B3GALT1: variants seen among roughly 807,000 people sequenced by gnomAD.
B3GALT1 encodes the protein UDP-Gal:betaGlcNAc beta 1,3-galactosyltransferase, polypeptide 1.
In B3GALT1, 10 loss-of-function variants were observed where a neutral mutation model predicts 23.2. That is an observed-to-expected ratio of 0.43 (90% confidence interval 0.27 to 0.73). The LOEUF (loss-of-function observed/expected upper bound fraction) is 0.73. Ranked by LOEUF, B3GALT1 falls within the 30% of genes least tolerant of loss-of-function variation. B3GALT1 has a pLI of 0.21. For synonymous variants in B3GALT1, 156 were observed against 141.5 expected (o/e 1.10, Z -0.73); for missense variants, 299 against 405.4 (o/e 0.74, Z 2.25).
At chr2:167,435,755 T>C (rs1011878986) in intron 1 of B3GALT1, among the ~76,000 whole-genome samples, 1 of 152,152 alleles carries the variant, frequency 6.6e-6, no homozygotes, top group African/African-American at 2.4e-5. Flanking sequence ...TTCATTGTGA[T>C]TAAGGAATGT....
chr2:167,520,030 G>A (rs944227559), intron 2 of B3GALT1, among the ~76,000 whole-genome samples: 1 of 147,416 alleles, frequency 6.8e-6, no homozygotes, highest in Non-Finnish European at 1.5e-5. Context: ...AGGTGACAGA[G>A]TAAGACTCTA....
intron 4 of B3GALT1, among the ~76,000 whole-genome samples, chr2:167,844,983 C>G (rs1242863941): frequency 6.6e-6 from 1 of 152,132 alleles, no homozygotes. Context: ...TGCCCCACTT[C>G]CCTGACAACC....
At chr2:167,667,303 T>C (rs1199239120) in intron 3 of B3GALT1, among the ~76,000 whole-genome samples, 1 of 152,178 alleles carries the variant, frequency 6.6e-6, no homozygotes, top group African/African-American at 2.4e-5. Context: ...GCTCGTAGAG[T>C]TTCTGCTGAG....
At chr2:167,666,536 T>C (rs1449811246) in intron 3 of B3GALT1, among the ~76,000 whole-genome samples, 3 of 151,540 alleles carry the variant, frequency 2.0e-5, no homozygotes, top group African/African-American at 7.3e-5. Flanking sequence ...ATCTGTCTAA[T>C]GTTGACAGTG....
intron 4 of B3GALT1, among the ~76,000 whole-genome samples, chr2:167,866,828 A>G (rs1012434554): frequency 6.6e-6 from 1 of 152,244 alleles, no homozygotes; most frequent in East Asian, 1.9e-4. Flanking sequence ...TACATAGCCT[A>G]GGACAATGGC....
chr2:167,441,531 C>G (rs1401861556), intron 1 of B3GALT1, among the ~76,000 whole-genome samples: 2 of 152,112 alleles, frequency 1.3e-5, no homozygotes, highest in Admixed American at 6.6e-5. Context: ...GGTTTCTCCA[C>G]CAATGTTACA....
chr2:167,657,841 TAG>T (rs951040707), intron 3 of B3GALT1, among the ~76,000 whole-genome samples: 52 of 152,280 alleles, frequency 3.4e-4, no homozygotes, highest in African/African-American at 1.2e-3. Flanking sequence ...ATTATTTTAT[TAG>T]TTTCAAACTG....
At chr2:167,499,443 A>G (rs1370503377) in intron 2 of B3GALT1, among the ~76,000 whole-genome samples, 1 of 152,160 alleles carries the variant, frequency 6.6e-6, no homozygotes, top group African/African-American at 2.4e-5. Flanking sequence ...ATTTGGTACT[A>G]TGAGACTCAA....
intron 2 of B3GALT1, among the ~76,000 whole-genome samples, chr2:167,586,572 TACA>T (rs908201714): frequency 6.6e-6 from 1 of 152,206 alleles, no homozygotes; most frequent in Non-Finnish European, 1.5e-5. Flanking sequence ...GTGCCGGGAT[TACA>T]GGTGTGAGCT....
intron 3 of B3GALT1, among the ~76,000 whole-genome samples, chr2:167,787,237 T>C (rs931889008): frequency 6.6e-6 from 1 of 152,290 alleles, no homozygotes; most frequent in East Asian, 1.9e-4. Context: ...CTGACCTCAA[T>C]GTGTCTTATC....
At chr2:167,599,879 C>T (rs767046066) in intron 2 of B3GALT1, among the ~76,000 whole-genome samples, 1 of 152,080 alleles carries the variant, frequency 6.6e-6, no homozygotes, top group African/African-American at 2.4e-5. Context: ...GAGTATTTAA[C>T]ACTTGGTTGT....
chr2:167,296,746 A>G (rs2105476916), intron 1 of B3GALT1, among the ~76,000 whole-genome samples: 1 of 152,334 alleles, frequency 6.6e-6, no homozygotes, highest in Middle Eastern at 3.4e-3. Context: ...ATGAATACAT[A>G]CACTATTGTA....
chr2:167,435,433 C>CAAAAAAAAAAAAA (rs1159357073), intron 1 of B3GALT1, among the ~76,000 whole-genome samples: 4 of 26,214 alleles, frequency 1.5e-4, no homozygotes, highest in African/African-American at 2.9e-4. Context: ...CATATGCTTG[C>CAAAAAAAAAAAAA]AAAAAAAAAA....
intron 2 of B3GALT1, among the ~76,000 whole-genome samples, chr2:167,508,132 A>G (rs1296728799): frequency 2.6e-5 from 4 of 152,190 alleles, no homozygotes; most frequent in Non-Finnish European, 5.9e-5. Flanking sequence ...TCCACAACCT[A>G]ATACCATCAC....
At chr2:167,777,528 A>G (rs1688180572) in intron 3 of B3GALT1, among the ~76,000 whole-genome samples, 1 of 152,086 alleles carries the variant, frequency 6.6e-6, no homozygotes, top group African/African-American at 2.4e-5. Context: ...TTGTGTTTTC[A>G]GTAGAGACGT....
At chr2:167,809,401 C>G (rs1461876579) in intron 3 of B3GALT1, among the ~76,000 whole-genome samples, 2 of 152,154 alleles carry the variant, frequency 1.3e-5, no homozygotes, top group South Asian at 2.1e-4. Flanking sequence ...TGTTTTTTCC[C>G]TATCTTTGTG....
At chr2:167,768,371 A>G (rs1688012648) in intron 3 of B3GALT1, among the ~76,000 whole-genome samples, 2 of 152,338 alleles carry the variant, frequency 1.3e-5, no homozygotes, top group Middle Eastern at 3.4e-3. Flanking sequence ...TCTGGCTGGA[A>G]TTCTTTCTTC....
At chr2:167,356,802 T>A (rs1697420681) in intron 1 of B3GALT1, among the ~76,000 whole-genome samples, 1 of 151,904 alleles carries the variant, frequency 6.6e-6, no homozygotes, top group Non-Finnish European at 1.5e-5. Context: ...ATTAAATTTG[T>A]ATATATTTAG....
chr2:167,488,446 A>T (rs925532379), intron 1 of B3GALT1, among the ~76,000 whole-genome samples: 10 of 152,218 alleles, frequency 6.6e-5, no homozygotes, highest in African/African-American at 2.4e-4. Flanking sequence ...TTCTGGGTAT[A>T]TGTGTGCTTA....
Sources: gnomAD v4.1 joint callset for allele counts (sites outside exome capture counted in the v4.1 genomes callset) on GRCh38, gnomAD v4.1.1 for gene constraint, MANE v1.5 for transcripts, NCBI Gene and HGNC (gene_info 2026-07-23, HGNC 2026-07-21) for gene names.